PDE7B: variants seen among roughly 807,000 people sequenced by gnomAD.
PDE7B encodes the protein 3',5'-cyclic-AMP phosphodiesterase 7B.
PDE7B carries 29 observed loss-of-function variants against 56.2 expected under a neutral mutation model. The ratio of observed to expected loss-of-function variants is 0.52; its 90% CI spans 0.38 to 0.70. PDE7B has a LOEUF of 0.70. Ranked by LOEUF, PDE7B falls within the 30% of genes least tolerant of loss-of-function variation. PDE7B has a pLI of 0.00. For synonymous variants in PDE7B, 197 were observed against 196.9 expected, an observed-to-expected ratio of 1.00 and a Z score of 0.00; for missense variants, 490 against 565.0, an observed-to-expected ratio of 0.87 and a Z score of 1.35.
At chr6:136,029,244 A>G (rs1776199407) in intron 2 of PDE7B, among the ~76,000 whole-genome samples, 3 of 152,224 alleles carry the variant, frequency 2.0e-5, no homozygotes, top group Non-Finnish European at 2.9e-5. Context: ...AGACTTGAAA[A>G]ACACAATTTA....
chr6:136,151,935 G>A (rs1243427438), intron 6 of PDE7B, among the ~76,000 whole-genome samples: 1 of 149,768 alleles, frequency 6.7e-6, no homozygotes, highest in African/African-American at 2.6e-5. Context: ...GCAAGACTCT[G>A]TCTTAAAAAT....
At chr6:136,116,204 T>C (rs767325599) in intron 3 of PDE7B, among the ~76,000 whole-genome samples, 2 of 152,176 alleles carry the variant, frequency 1.3e-5, no homozygotes, top group Non-Finnish European at 2.9e-5. Context: ...TGTTGACTGA[T>C]TAAGGAGTTG....
At chr6:136,057,989 G>A (rs770858767) in intron 2 of PDE7B, among the ~76,000 whole-genome samples, 36 of 151,944 alleles carry the variant, frequency 2.4e-4, no homozygotes, top group Non-Finnish European at 4.7e-4. Flanking sequence ...CTTCTGCCTC[G>A]ACCTTTAAAA....
chr6:136,108,140 A>G (rs957196993), intron 2 of PDE7B, among the ~76,000 whole-genome samples: 31 of 150,180 alleles, frequency 2.1e-4, no homozygotes, highest in African/African-American at 7.3e-4. Context: ...AAAAAAAAAA[A>G]AAAGAAAGAA....
At chr6:135,963,446 G>A (rs1774942434) in intron 2 of PDE7B, among the ~76,000 whole-genome samples, 1 of 152,114 alleles carries the variant, frequency 6.6e-6, no homozygotes, top group African/African-American at 2.4e-5. Context: ...AACTCTGAGT[G>A]TCCTAATGTC....
At chr6:136,077,696 T>C (rs1562487407) in intron 2 of PDE7B, among the ~76,000 whole-genome samples, 1 of 152,254 alleles carries the variant, frequency 6.6e-6, no homozygotes, top group Non-Finnish European at 1.5e-5. Flanking sequence ...TTTACAAATG[T>C]AAATTTTTAA....
intron 3 of PDE7B, among the ~76,000 whole-genome samples, chr6:136,138,314 A>G (rs1025769803): frequency 6.6e-6 from 1 of 152,154 alleles, no homozygotes; most frequent in African/African-American, 2.4e-5. Context: ...ATCTTTATCA[A>G]TAATTGATTA....
At chr6:136,182,542 G>A (rs796898230) in intron 11 of PDE7B, among the ~76,000 whole-genome samples, 5 of 152,314 alleles carry the variant, frequency 3.3e-5, no homozygotes, top group African/African-American at 9.6e-5. Flanking sequence ...AGAGGAAAGA[G>A]TCTACTCTAG....
intron 2 of PDE7B, among the ~76,000 whole-genome samples, chr6:136,011,989 C>A (rs1198849424): frequency 6.6e-6 from 1 of 152,070 alleles, no homozygotes; most frequent in Non-Finnish European, 1.5e-5. Flanking sequence ...GGTAGAAGAT[C>A]GATTCTAAGT....
chr6:135,863,977 T>A (rs932770050), intron 1 of PDE7B, among the ~76,000 whole-genome samples: 2 of 152,104 alleles, frequency 1.3e-5, no homozygotes, highest in Non-Finnish European at 2.9e-5. Flanking sequence ...ACTTACTATG[T>A]ACAATTTATT....
At chr6:136,164,818 T>C (rs1778767181) in intron 8 of PDE7B, among the ~76,000 whole-genome samples, 1 of 152,222 alleles carries the variant, frequency 6.6e-6, no homozygotes, top group East Asian at 1.9e-4. Context: ...GAAAAGAATT[T>C]AATATTTCTG....
At chr6:135,855,175 C>A (rs1368133045) in intron 1 of PDE7B, among the ~76,000 whole-genome samples, 6 of 152,108 alleles carry the variant, frequency 3.9e-5, no homozygotes, top group Non-Finnish European at 7.4e-5. Flanking sequence ...CATTTTAGAT[C>A]AAAATTTTTA....
intron 3 of PDE7B, among the ~76,000 whole-genome samples, chr6:136,128,568 TG>T (rs932515716): frequency 1.1e-4 from 16 of 152,084 alleles, no homozygotes; most frequent in African/African-American, 2.9e-4. Flanking sequence ...CCCCCACCCC[TG>T]GGCAAAATTA....
intron 2 of PDE7B, among the ~76,000 whole-genome samples, chr6:135,976,402 C>T (rs1006064431): frequency 2.6e-5 from 4 of 152,118 alleles, no homozygotes; most frequent in East Asian, 3.9e-4. Context: ...TCCCCAATGG[C>T]GCTGCTGGGA....
chr6:135,987,038 G>C (rs79110786), intron 2 of PDE7B, among the ~76,000 whole-genome samples: 5,185 of 152,260 alleles, frequency 0.034, 136 homozygotes, highest in Middle Eastern at 0.075. Context: ...TATTAAAGGA[G>C]GGTGTGTATA....
chr6:135,999,278 T>G (rs1035686258), intron 2 of PDE7B, among the ~76,000 whole-genome samples: 6 of 152,192 alleles, frequency 3.9e-5, no homozygotes, highest in African/African-American at 4.8e-5. Context: ...GTAACTTTTA[T>G]TTTAGGTTCT....
chr6:135,884,009 T>A (rs911022615), intron 1 of PDE7B, among the ~76,000 whole-genome samples: 1 of 152,216 alleles, frequency 6.6e-6, no homozygotes, highest in Non-Finnish European at 1.5e-5. Flanking sequence ...TTTAATACAC[T>A]GAATATGACT....
At chr6:136,050,172 TC>T (rs1348147989) in intron 2 of PDE7B, among the ~76,000 whole-genome samples, 3 of 152,326 alleles carry the variant, frequency 2.0e-5, no homozygotes, top group Admixed American at 6.5e-5. Context: ...TCCTTTTCAC[TC>T]CCAAATACTT....
chr6:136,103,319 A>G (rs2128217394), intron 2 of PDE7B, among the ~76,000 whole-genome samples: 1 of 152,302 alleles, frequency 6.6e-6, no homozygotes, highest in East Asian at 1.9e-4. Context: ...ATCTCTGCCT[A>G]AGTTATCTGA....
Sources: gnomAD v4.1 joint callset for allele counts (sites outside exome capture counted in the v4.1 genomes callset) on GRCh38, gnomAD v4.1.1 for gene constraint, MANE v1.5 for transcripts, NCBI Gene and HGNC (gene_info 2026-07-23, HGNC 2026-07-21) for gene names.